Variants in THOP1 observed in about 807,000 individuals in gnomAD.
The protein encoded by THOP1 is thimet oligopeptidase 1, also known as thimet oligopeptidase.
In THOP1, 49 loss-of-function variants were observed where a neutral mutation model predicts 71.8. The ratio of observed to expected loss-of-function variants is 0.68; its 90% CI spans 0.54 to 0.87. THOP1 has a LOEUF of 0.87. THOP1 is among the 40% of genes least tolerant of loss of function. The pLI is 0.00. For synonymous variants in THOP1, 426 were observed against 421.5 expected (o/e 1.01, Z -0.13); for missense variants, 843 against 975.6 (o/e 0.86, Z 1.81).
At chr19:2,807,167 C>A in intron 7 of THOP1, 115 bp downstream of exon 7, 1 of 1,343,178 alleles carries the variant, frequency 7.4e-7, no homozygotes, top group Non-Finnish European at 9.9e-7. Context: ...TGAAGAGGGA[C>A]TTCTGACGCC....
chr19:2,794,337 C>CAGA (rs1915959319), intron 2 of THOP1, among the ~76,000 whole-genome samples: 1 of 152,184 alleles, frequency 6.6e-6, no homozygotes, highest in Non-Finnish European at 1.5e-5. Flanking sequence ...TTTCTAGCCA[C>CAGA]TGACACTTCC....
At chr19:2,785,817 G>A (rs968992499) in intron 1 of THOP1, 139 bp downstream of exon 1, 2 of 725,726 alleles carry the variant, frequency 2.8e-6, no homozygotes, top group Middle Eastern at 3.5e-4. Flanking sequence ...GGGGGAGGTG[G>A]ACGACCCTGC....
intron 9 of THOP1, 100 bp from the exon 10 acceptor site, chr19:2,810,204 C>T: frequency 7.0e-7 from 1 of 1,423,248 alleles, no homozygotes; most frequent in South Asian, 1.3e-5. Context: ...ATCACCTGTG[C>T]ACTCGCCCTG....
chr19:2,793,162 C>G (rs1358310145), intron 2 of THOP1, among the ~76,000 whole-genome samples: 1 of 151,272 alleles, frequency 6.6e-6, no homozygotes, highest in Non-Finnish European at 1.5e-5. Context: ...GCAACAGCAG[C>G]GAAACTCTGT....
intron 12 of THOP1, chr19:2,812,308 G>A: frequency 2.6e-6 from 4 of 1,535,522 alleles, no homozygotes; most frequent in African/African-American, 1.4e-5. Context: ...AGGAACAGGT[G>A]GCTACCAGCT....
intron 2 of THOP1, among the ~76,000 whole-genome samples, chr19:2,792,571 A>G (rs1915911941): frequency 6.6e-6 from 1 of 151,574 alleles, no homozygotes; most frequent in Non-Finnish European, 1.5e-5. Context: ...GGTAGTGGCC[A>G]GACTGCAATT....
At position 2,785,737 on chromosome 19, in the gene THOP1, G is replaced by A. The variant is rs904714650; in HGVS notation, c.16+59G>A. 1.5e-6 allele frequency: 2 copies of A among 1,330,078 alleles called. 1 individual carries two copies. The highest frequency in any genetic ancestry group is 4.4e-5 in the South Asian group (2 of 45,252). 82.4% of individuals were successfully genotyped at this position (1,330,078 alleles called of 1,614,324 possible). ...CCCCTGCACCCTCGCTCCTCCCGGG[G>A]TCGCGACTTGGGCCTAAGGCTGGAG... is the stretch of plus-strand genomic sequence containing the variant. On this transcript the variant is annotated intron_variant, in intron 1 of 12. Coordinates refer to ENST00000307741, the MANE Select transcript of THOP1 (RefSeq NM_003249.5).
intron 2 of THOP1, among the ~76,000 whole-genome samples, chr19:2,794,364 C>A (rs1915959727): frequency 6.6e-6 from 1 of 152,200 alleles, no homozygotes; most frequent in African/African-American, 2.4e-5. Flanking sequence ...CAACCTAAAG[C>A]ACAGATGTGC....
At chr19:2,790,293 A>G (rs1915844563) in intron 1 of THOP1, 128 bp from the exon 2 acceptor site, 1 of 859,580 alleles carries the variant, frequency 1.2e-6, no homozygotes, top group Non-Finnish European at 1.7e-6. Context: ...GCTTCCCTAC[A>G]AGAGCCCTGG....
chr19:2,790,846 C>T (rs191694988), intron 2 of THOP1, among the ~76,000 whole-genome samples: 2 of 152,344 alleles, frequency 1.3e-5, no homozygotes, highest in East Asian at 3.9e-4. Context: ...AGGTGCTGGT[C>T]ACTAGAGGTG....
intron 1 of THOP1, among the ~76,000 whole-genome samples, chr19:2,786,707 T>A (rs1001341307): frequency 6.6e-6 from 1 of 151,128 alleles, no homozygotes. Context: ...GTTCAAGCTA[T>A]GCTGCTTCAG....
In THOP1 at chr19:2,814,732, C is replaced by T. The variant is rs1349192029; in HGVS notation, c.*1456C>T. ...AGGGTTATGCCAGCGAGGCGGGAATCCATAAGTGGGAACACCACAGTGGTC... is the reference window on the plus strand; with the variant it reads ...AGGGTTATGCCAGCGAGGCGGGAATTCATAAGTGGGAACACCACAGTGGTC... On this transcript the variant is annotated 3_prime_UTR_variant, in exon 13 of 13. Transcript: ENST00000307741. 6.6e-6 allele frequency: 1 copy of T among 152,400 alleles called. No homozygotes were observed. The highest frequency in any genetic ancestry group is 1.5e-5 in the Non-Finnish European group (1 of 68,208). 9.4% of individuals were successfully genotyped at this position (152,400 alleles called of 1,614,324 possible).
chr19:2,811,344 C>T (rs1359518211), intron 11 of THOP1, among the ~76,000 whole-genome samples: 1 of 152,186 alleles, frequency 6.6e-6, no homozygotes, highest in East Asian at 1.9e-4. Flanking sequence ...AAAATGGGGA[C>T]TTTGCTCTGT....
chr19:2,798,368 A>G (rs1916067228), intron 4 of THOP1, among the ~76,000 whole-genome samples: 1 of 152,182 alleles, frequency 6.6e-6, no homozygotes, highest in Admixed American at 6.5e-5. Context: ...CATGCCCAGC[A>G]TGTGTGGCCA....
At chr19:2,790,281 G>T in intron 1 of THOP1, 140 bp from the exon 2 acceptor site, 1 of 753,894 alleles carries the variant, frequency 1.3e-6, no homozygotes, top group Non-Finnish European at 2.1e-6. Context: ...TGGTCAGTCT[G>T]TGCTTCCCTA....
Position 2,808,449 on chromosome 19 carries a change from G to A in THOP1, c.1455+5G>A, listed in dbSNP as rs1300721390. 1 of 1,592,832 alleles carries A rather than the reference G, an allele frequency of 6.3e-7. No individual in the cohort carries two copies. The highest frequency in any genetic ancestry group is 1.1e-5 in the South Asian group (1 of 89,824). On this transcript the variant is annotated splice_donor_5th_base_variant and intron_variant, in intron 9 of 12. Transcript: ENST00000307741. ...ATGCACCAGCTCTGCTCCCAGGTGG[G>A]TGCGGGCCCGGGCAGGGGCAGGGGC... is the stretch of plus-strand genomic sequence containing the variant.
chr19:2,808,802 T>C (rs556744350), intron 9 of THOP1, among the ~76,000 whole-genome samples: 1 of 152,308 alleles, frequency 6.6e-6, no homozygotes, highest in Non-Finnish European at 1.5e-5. Context: ...TGGGTCCCCA[T>C]CTCGTCTTCT....
intron 12 of THOP1, among the ~76,000 whole-genome samples, chr19:2,812,677 G>A (rs2144787441): frequency 6.6e-6 from 1 of 152,322 alleles, no homozygotes; most frequent in Admixed American, 6.5e-5. Context: ...GGGTCTCCTT[G>A]GTGGCTGGCA....
chr19:2,801,301 A>G lies in THOP1; in HGVS notation c.589+1510A>G, dbSNP rs1916138674. Among the ~76,000 whole-genome samples, 1 of 152,334 alleles carries G rather than the reference A, an allele frequency of 6.6e-6. No individual in the cohort carries two copies. The highest frequency in any genetic ancestry group is 1.5e-5 in the Non-Finnish European group (1 of 68,038). On this transcript the variant is annotated intron_variant, in intron 5 of 12. Coordinates refer to ENST00000307741, the MANE Select transcript of THOP1 (RefSeq NM_003249.5). This position sits in a 1 kb window ranked among gnomAD's most constrained non-coding sequence, Gnocchi z 5.1. ...GCTCATGTGGGTTCCAGCCGGTTTCAGCCAGTTTTGTTCTTGTCGGCGTTT... is the reference window on the plus strand; with the variant it reads ...GCTCATGTGGGTTCCAGCCGGTTTCGGCCAGTTTTGTTCTTGTCGGCGTTT...
Sources: allele counts gnomAD v4.1 joint callset (sites outside exome capture counted in the v4.1 genomes callset), GRCh38; gene constraint gnomAD v4.1.1; non-coding constraint Gnocchi (gnomAD v3.1); transcripts MANE v1.5; gene names NCBI Gene and HGNC (gene_info 2026-07-23, HGNC 2026-07-21).